Variants in PEX7 observed in about 807,000 individuals in gnomAD.
PEX7 encodes peroxisomal biogenesis factor 7.
A neutral mutation model predicts 47.5 loss-of-function variants in PEX7; 34 were observed. That is an observed-to-expected ratio of 0.72 (90% confidence interval 0.54 to 0.95). The LOEUF (loss-of-function observed/expected upper bound fraction) is 0.95, where lower values mean the gene tolerates loss of function less well. Among genes scored for constraint, PEX7 ranks in the 40% least tolerant of loss-of-function variants. The pLI is 0.00. For missense variants in PEX7, 394 were observed against 400.3 expected (o/e 0.98, Z 0.13); for synonymous variants, 141 against 148.8 (o/e 0.95, Z 0.38).
intron 5 of PEX7, among the ~76,000 whole-genome samples, chr6:136,862,226 C>CT (rs1774980308): frequency 6.6e-6 from 1 of 150,954 alleles, no homozygotes; most frequent in South Asian, 2.1e-4. Context: ...GCCACCATGC[C>CT]TGGCTAATTT....
In PEX7 at chr6:136,913,557, G is replaced by A; in HGVS notation, c.*31G>A. On this transcript the variant is annotated 3_prime_UTR_variant, in exon 10 of 10. Coordinates refer to ENST00000318471, the MANE Select transcript of PEX7 (RefSeq NM_000288.4). ...ACTACTTTGGTCAGAAACAGAGGAT[G>A]TTGGCTGAAGAACTGCCTAACAGCA... The A allele has an allele frequency of 7.1e-7, 1 of 1,415,522 alleles. No individual in the cohort carries two copies. Among genetic ancestry groups the A allele is most frequent in the Non-Finnish European group, 1.0e-6 (1 of 999,576 alleles). 87.7% of individuals were successfully genotyped at this position (1,415,522 alleles called of 1,614,324 possible).
chr6:136,866,962 A>G (rs904425133), intron 6 of PEX7, among the ~76,000 whole-genome samples: 2 of 152,326 alleles, frequency 1.3e-5, no homozygotes, highest in Non-Finnish European at 1.5e-5. Context: ...AAAGTTCAAC[A>G]GTGCAGGCTT....
chr6:136,853,946 A>G (rs527250985), intron 5 of PEX7, among the ~76,000 whole-genome samples: 113 of 152,200 alleles, frequency 7.4e-4, no homozygotes, highest in Non-Finnish European at 1.4e-3. Context: ...TTTTTTGTCC[A>G]TAATCTGAAT....
intron 9 of PEX7, among the ~76,000 whole-genome samples, chr6:136,906,841 C>T (rs114833015): frequency 0.012 from 1,794 of 152,192 alleles, 37 homozygotes; most frequent in African/African-American, 0.041. Context: ...CAAATCAATC[C>T]AGTTAAATTG....
intron 5 of PEX7, among the ~76,000 whole-genome samples, chr6:136,847,882 A>G (rs1774657411): frequency 6.6e-6 from 1 of 152,188 alleles, no homozygotes; most frequent in South Asian, 2.1e-4. Flanking sequence ...TTCTGTGAAG[A>G]AAGTCATTGG....
chr6:136,863,078 G>A (rs1248014428), intron 5 of PEX7, among the ~76,000 whole-genome samples: 1 of 152,170 alleles, frequency 6.6e-6, no homozygotes, highest in Non-Finnish European at 1.5e-5. Flanking sequence ...GAGGGCCGTT[G>A]GAGTTATTTG....
intron 3 of PEX7, among the ~76,000 whole-genome samples, chr6:136,828,439 C>G (rs1774236119): frequency 6.6e-6 from 1 of 152,168 alleles, no homozygotes; most frequent in Non-Finnish European, 1.5e-5. Flanking sequence ...TATTAAGAAA[C>G]TGCTTCTTGT....
At position 136,907,486 on chromosome 6, in the gene PEX7, A is replaced by AT. The variant is rs559906977; in HGVS notation, c.904-5962dup. 7.7e-4 allele frequency among the ~76,000 whole-genome samples: 113 copies of AT among 146,244 alleles called. 1 individual carries two copies. The highest frequency in any genetic ancestry group is 2.3e-3 in the African/African-American group (87 of 37,918). On this transcript the variant is annotated intron_variant, in intron 9 of 9. Transcript: ENST00000318471. ...TTTTCAAAATGTAGAGTTAACTGTG[A>AT]TTTTTTTTTTCATTCTGTCTGTATC... is the stretch of plus-strand genomic sequence containing the variant.
At chr6:136,828,482 G>A (rs1198642229) in intron 3 of PEX7, among the ~76,000 whole-genome samples, 1 of 152,156 alleles carries the variant, frequency 6.6e-6, no homozygotes, top group Non-Finnish European at 1.5e-5. Context: ...GCAACCAACT[G>A]CTGCTTTTAG....
intron 3 of PEX7, among the ~76,000 whole-genome samples, chr6:136,829,173 C>T (rs1227761729): frequency 2.0e-5 from 3 of 152,110 alleles, no homozygotes; most frequent in Non-Finnish European, 4.4e-5. Context: ...CAGCAGCACC[C>T]CTAATTCTTG....
At chr6:136,886,824 G>A (rs1051720419) in intron 8 of PEX7, among the ~76,000 whole-genome samples, 22 of 152,086 alleles carry the variant, frequency 1.4e-4, no homozygotes, top group African/African-American at 4.3e-4. Context: ...AGGCCAAGGC[G>A]GGAAAATTTC....
At chr6:136,826,073 T>G (rs965653882) in intron 2 of PEX7, among the ~76,000 whole-genome samples, 1 of 152,226 alleles carries the variant, frequency 6.6e-6, no homozygotes. Flanking sequence ...CAGTATACTG[T>G]GTACTATTAC....
intron 8 of PEX7, among the ~76,000 whole-genome samples, chr6:136,872,922 T>C (rs954330799): frequency 6.6e-6 from 1 of 152,168 alleles, no homozygotes; most frequent in Non-Finnish European, 1.5e-5. Context: ...ATCTTACTAA[T>C]TAGAGCTCAG....
intron 8 of PEX7, among the ~76,000 whole-genome samples, chr6:136,875,765 T>G (rs1775260058): frequency 1.3e-5 from 2 of 152,338 alleles, no homozygotes; most frequent in South Asian, 4.1e-4. Flanking sequence ...TGTTAAAATC[T>G]CCTATCATTA....
intron 5 of PEX7, among the ~76,000 whole-genome samples, chr6:136,863,855 G>A (rs1775009646): frequency 1.3e-5 from 2 of 152,192 alleles, no homozygotes; most frequent in African/African-American, 4.8e-5. Flanking sequence ...GTTGCAGTGA[G>A]CTGAGATCGC....
intron 8 of PEX7, among the ~76,000 whole-genome samples, chr6:136,897,427 C>G (rs766376961): frequency 6.6e-6 from 1 of 152,180 alleles, no homozygotes; most frequent in Non-Finnish European, 1.5e-5. Context: ...AAATTCTTGT[C>G]TGCACAGTAC....
At chr6:136,836,104 A>G (rs961678987) in intron 3 of PEX7, among the ~76,000 whole-genome samples, 3 of 152,192 alleles carry the variant, frequency 2.0e-5, no homozygotes, top group Admixed American at 2.0e-4. Context: ...ATTAAAAAGC[A>G]TATGTAGGAG....
intron 8 of PEX7, among the ~76,000 whole-genome samples, chr6:136,883,142 C>T (rs9321580): frequency 0.41 from 61,713 of 151,974 alleles, 13,310 homozygotes; most frequent in South Asian, 0.51. Context: ...ACATCCCTAA[C>T]CTAGAAATTG....
chr6:136,844,626 T>C (rs761263441), intron 3 of PEX7, among the ~76,000 whole-genome samples: 10 of 152,218 alleles, frequency 6.6e-5, no homozygotes, highest in Non-Finnish European at 1.5e-4. Context: ...ACTAAAAGTT[T>C]GTATCCTTTG....
Sources: allele counts gnomAD v4.1 joint callset (sites outside exome capture counted in the v4.1 genomes callset), GRCh38; gene constraint gnomAD v4.1.1; transcripts MANE v1.5; gene names NCBI Gene and HGNC (gene_info 2026-07-23, HGNC 2026-07-21).